The following TJAP1 variants were observed in gnomAD, a reference collection of about 807,000 sequenced individuals.
TJAP1 encodes the protein tight junction-associated protein 1.
Under a neutral mutation model 42.0 loss-of-function variants are expected in TJAP1, and 27 were observed. The ratio of observed to expected loss-of-function variants is 0.64; its 90% CI spans 0.47 to 0.89. TJAP1 has a LOEUF of 0.89. Ranked by LOEUF, TJAP1 falls within the 40% of genes least tolerant of loss-of-function variation. The probability of loss-of-function intolerance (pLI) is 0.00; values close to 1 mark genes in which losing one functional copy is unlikely to be tolerated. For synonymous variants in TJAP1, 257 were observed against 288.4 expected (o/e 0.89, Z 1.10); for missense variants, 712 against 726.9 (o/e 0.98, Z 0.24).
At chr6:43,483,541 C>G (rs1175777762) in intron 2 of TJAP1, among the ~76,000 whole-genome samples, 1 of 152,228 alleles carries the variant, frequency 6.6e-6, no homozygotes, top group Non-Finnish European at 1.5e-5. Flanking sequence ...GGTGAGGGCT[C>G]TGTTTACTTG....
At chr6:43,506,153 G>T in exon 11 of TJAP1, 1 of 311,638 alleles carries the variant, frequency 3.2e-6, no homozygotes, top group Non-Finnish European at 5.9e-6. Context: ...CCCAGACTGG[G>T]CTTTTCTGGG....
At chr6:43,481,876 A>G (rs1785398849) in intron 2 of TJAP1, among the ~76,000 whole-genome samples, 2 of 152,128 alleles carry the variant, frequency 1.3e-5, no homozygotes, top group Admixed American at 6.6e-5. Flanking sequence ...TTTTTCTTCA[A>G]CAAATGACTC....
chr6:43,478,544 A>T (rs1784681579), intron 2 of TJAP1: 1 of 152,222 alleles, frequency 6.6e-6, no homozygotes, highest in African/African-American at 2.4e-5. Flanking sequence ...TTTCTGCTTC[A>T]ATATCCCCAT....
In TJAP1 at chr6:43,491,180, G is replaced by A. The variant is rs776769337; in HGVS notation, c.-121-6701G>A. Among the ~76,000 whole-genome samples the A allele has an allele frequency of 2.6e-5, 4 of 152,036 alleles. No homozygotes were observed. The highest frequency in any genetic ancestry group is 1.9e-4 in the East Asian group (1 of 5,194). Reference sequence around the variant, plus strand: ...ATGGGAGAGGGTGTGTTATGGGCCCGGAGCGAGGAGGATAGCACTCCTGAG... The same window carrying A: ...ATGGGAGAGGGTGTGTTATGGGCCCAGAGCGAGGAGGATAGCACTCCTGAG... On this transcript the variant is annotated intron_variant, in intron 2 of 10. Transcript: ENST00000372449. This position sits in a 1 kb window ranked among gnomAD's most constrained non-coding sequence, Gnocchi z 4.6.
chr6:43,477,582 G>C (rs1160703382), exon 1 of TJAP1: 1 of 152,340 alleles, frequency 6.6e-6, no homozygotes, highest in African/African-American at 2.4e-5. Context: ...TACCCGGCCT[G>C]CCCCGCGGCA....
chr6:43,498,775 A>G (rs1036450829), intron 3 of TJAP1: 3 of 485,506 alleles, frequency 6.2e-6, no homozygotes, highest in African/African-American at 2.0e-5. Flanking sequence ...CGTTGGACCC[A>G]TGCCCCACCC....
At chr6:43,501,146 T>C (rs977587164) in intron 5 of TJAP1, 2 of 372,424 alleles carry the variant, frequency 5.4e-6, no homozygotes, top group Non-Finnish European at 4.9e-6. Flanking sequence ...AGATGAATAA[T>C]GGAGAAGCCT....
intron 2 of TJAP1, among the ~76,000 whole-genome samples, chr6:43,490,800 G>C (rs942375677): frequency 6.6e-6 from 1 of 152,166 alleles, no homozygotes; most frequent in Non-Finnish European, 1.5e-5. Flanking sequence ...AGTAGAGTGG[G>C]GGCAGGACCT....
chr6:43,481,312 T>G (rs534673888), intron 2 of TJAP1, among the ~76,000 whole-genome samples: 118 of 151,510 alleles, frequency 7.8e-4, no homozygotes, highest in African/African-American at 2.8e-3. Context: ...ATGGACAGAC[T>G]GACATTAGAA....
intron 8 of TJAP1, 171 bp downstream of exon 8, chr6:43,502,788 G>A (rs1791262586): frequency 2.6e-6 from 2 of 776,932 alleles, no homozygotes; most frequent in East Asian, 2.7e-5. Flanking sequence ...GAGAGAGGTG[G>A]GGAGCCTAGC....
chr6:43,482,435 A>G (rs1785514542), intron 2 of TJAP1, among the ~76,000 whole-genome samples: 2 of 152,162 alleles, frequency 1.3e-5, no homozygotes, highest in African/African-American at 4.8e-5. Flanking sequence ...GCTCTTAAAT[A>G]GCTCTCCAAA....
At chr6:43,480,097 G>T (rs1181044092) in intron 2 of TJAP1, among the ~76,000 whole-genome samples, 1 of 152,210 alleles carries the variant, frequency 6.6e-6, no homozygotes, top group Non-Finnish European at 1.5e-5. Context: ...TGGGTAGTAA[G>T]AGTATCTATC....
chr6:43,505,581 G>C lies in TJAP1; in HGVS notation c.1400G>C (p.Ser467Thr). Residue 467 changes from serine (S) to threonine (T), a missense_variant, in exon 11 of 11, where the codon AGT becomes ACT. By Grantham distance (58) the Ser-to-Thr change is moderately conservative. This residue lies in a region of TJAP1 where 549 missense variants were observed against 528.2 expected (regional missense o/e 1.04). Transcript: ENST00000372449. This position sits in a 1 kb window ranked among gnomAD's most constrained non-coding sequence, Gnocchi z 5.5. ...GCACCTTCTGCCCGACCCGAAGAGA[G>C]TGAGCTTTTGCTACCCACAGAACCT... 1 of 1,613,690 alleles carries C rather than the reference G, an allele frequency of 6.2e-7. No homozygotes were observed. The highest frequency in any genetic ancestry group is 8.5e-7 in the Non-Finnish European group (1 of 1,180,040).
chr6:43,504,004 G>A, intron 10 of TJAP1: 1 of 607,148 alleles, frequency 1.6e-6, no homozygotes, highest in Non-Finnish European at 3.2e-6. Context: ...AGAGTACTAA[G>A]AGAGGATTAG....
intron 5 of TJAP1, 44 bp downstream of exon 5, chr6:43,500,816 C>A: frequency 6.2e-7 from 1 of 1,609,024 alleles, no homozygotes; most frequent in South Asian, 1.1e-5. Context: ...TCAACTCTGT[C>A]CCTCTTAGCT....
intron 7 of TJAP1, 57 bp from the exon 8 acceptor site, chr6:43,502,531 C>T: frequency 6.5e-7 from 1 of 1,548,036 alleles, no homozygotes; most frequent in Non-Finnish European, 8.7e-7. Context: ...CACTGTTTCT[C>T]TTCTTTCCTC....
At chr6:43,480,504 TTAAC>T (rs1476785861) in intron 2 of TJAP1, among the ~76,000 whole-genome samples, 4 of 152,210 alleles carry the variant, frequency 2.6e-5, no homozygotes, top group African/African-American at 9.6e-5. Context: ...TTTTCATGTA[TTAAC>T]TAATTTAATT....
chr6:43,499,279 G>A (rs1789970733), intron 4 of TJAP1, 179 bp downstream of exon 4: 2 of 863,906 alleles, frequency 2.3e-6, no homozygotes, highest in African/African-American at 1.7e-5. Context: ...TAGGCTCAAG[G>A]GGGACTGTCT....
At chr6:43,498,643 C>A (rs1789795309) in intron 3 of TJAP1, among the ~76,000 whole-genome samples, 1 of 152,248 alleles carries the variant, frequency 6.6e-6, no homozygotes, top group African/African-American at 2.4e-5. Flanking sequence ...CCTTCTGAGG[C>A]CTTCAGAGCC....
Sources: gnomAD v4.1 joint callset for allele counts (sites outside exome capture counted in the v4.1 genomes callset) on GRCh38, gnomAD v4.1.1 for gene constraint, gnomAD v4.1.1 regional missense constraint, Gnocchi (gnomAD v3.1) non-coding constraint, MANE v1.5 for transcripts, NCBI Gene and HGNC (gene_info 2026-07-23, HGNC 2026-07-21) for gene names.